Variants in LRRC4C observed in about 807,000 individuals in gnomAD.
LRRC4C encodes leucine-rich repeat-containing protein 4C.
In LRRC4C, 5 loss-of-function variants were observed where a neutral mutation model predicts 33.6. That is an observed-to-expected ratio of 0.15 (90% confidence interval 0.08 to 0.31). The LOEUF (loss-of-function observed/expected upper bound fraction) is 0.31, where lower values mean the gene tolerates loss of function less well. Among genes scored for constraint, LRRC4C ranks in the 10% least tolerant of loss-of-function variants. LRRC4C has a pLI of 1.00. For missense variants in LRRC4C, 560 were observed against 796.7 expected, an observed-to-expected ratio of 0.70 and a Z score of 3.58; for synonymous variants, 329 against 302.0, an observed-to-expected ratio of 1.09 and a Z score of -0.93.
intron 5 of LRRC4C, among the ~76,000 whole-genome samples, chr11:40,195,707 AT>A (rs1862205447): frequency 6.6e-6 from 1 of 151,744 alleles, no homozygotes; most frequent in Non-Finnish European, 1.5e-5. Context: ...TGTATGGCAA[AT>A]AAAAAAATTG....
intron 1 of LRRC4C, among the ~76,000 whole-genome samples, chr11:41,206,589 C>T (rs1174435962): frequency 6.6e-6 from 1 of 152,134 alleles, no homozygotes; most frequent in Admixed American, 6.6e-5. Context: ...TTCAAATGCC[C>T]TTTGAGTGCC....
chr11:41,304,110 C>T (rs1220529829), intron 1 of LRRC4C, among the ~76,000 whole-genome samples: 8 of 80,148 alleles, frequency 1.0e-4, no homozygotes, highest in East Asian at 1.4e-3. Context: ...TCTGCCCGGC[C>T]GCCCCTACTG....
intron 1 of LRRC4C, among the ~76,000 whole-genome samples, chr11:41,160,639 G>A (rs1475980097): frequency 6.6e-6 from 1 of 152,092 alleles, no homozygotes; most frequent in Non-Finnish European, 1.5e-5. Flanking sequence ...ATTTATTTAA[G>A]TAACATTCTT....
intron 1 of LRRC4C, among the ~76,000 whole-genome samples, chr11:41,113,455 A>G (rs940139441): frequency 3.0e-4 from 46 of 152,128 alleles, no homozygotes; most frequent in Non-Finnish European, 5.9e-4. Flanking sequence ...GGCTTTGTCT[A>G]AACTATACCA....
At chr11:40,584,951 G>GA (rs558879496) in intron 3 of LRRC4C, among the ~76,000 whole-genome samples, 2,744 of 103,450 alleles carry the variant, frequency 0.027, 36 homozygotes, top group African/African-American at 0.031. Context: ...TTAAAAAAAA[G>GA]AAAAAAAAAA....
intron 1 of LRRC4C, among the ~76,000 whole-genome samples, chr11:40,937,251 G>T (rs1341813678): frequency 1.3e-5 from 2 of 148,818 alleles, no homozygotes; most frequent in Non-Finnish European, 3.0e-5. Flanking sequence ...ACTTACAAGT[G>T]TGAGCTAAAC....
chr11:40,356,531 G>A lies in LRRC4C; in HGVS notation c.-269-36810C>T, dbSNP rs1332737649. ...CGCTAAGGGTAGAACTGGGACTTAA[G>A]CAGTCTGCCACTCCTTATTAGACAA... is the stretch of plus-strand genomic sequence containing the variant. On this transcript the variant is annotated intron_variant, in intron 3 of 6. Transcript: ENST00000528697. 2.6e-5 allele frequency among the ~76,000 whole-genome samples: 4 copies of A among 152,154 alleles called. No individual in the cohort carries two copies. The South Asian group carries it at 6.2e-4, about 24-fold the overall frequency.
chr11:41,326,847 A>G (rs1332828079), intron 1 of LRRC4C, among the ~76,000 whole-genome samples: 1 of 152,212 alleles, frequency 6.6e-6, no homozygotes, highest in Admixed American at 6.5e-5. Flanking sequence ...TTGCATCTCA[A>G]TACCTATAAC....
At chr11:40,949,122 T>C (rs1215240976) in intron 1 of LRRC4C, among the ~76,000 whole-genome samples, 1 of 133,834 alleles carries the variant, frequency 7.5e-6, no homozygotes, top group Admixed American at 7.1e-5. Flanking sequence ...TGGCCAGTGA[T>C]GGTGAGCATT....
chr11:40,294,759 G>A (rs932215651), intron 4 of LRRC4C, among the ~76,000 whole-genome samples: 4 of 152,048 alleles, frequency 2.6e-5, no homozygotes, highest in African/African-American at 4.8e-5. Flanking sequence ...CCCGGGAGAC[G>A]GAGGTTGCAG....
intron 1 of LRRC4C, among the ~76,000 whole-genome samples, chr11:40,942,946 TTCATAGTGA>T (rs1219812367): frequency 1.3e-5 from 2 of 152,194 alleles, no homozygotes; most frequent in African/African-American, 4.8e-5. Context: ...AACTACTTAT[TTCATAGTGA>T]CACAGGATCA....
intron 1 of LRRC4C, among the ~76,000 whole-genome samples, chr11:41,029,171 G>A (rs1425788114): frequency 6.6e-6 from 1 of 151,724 alleles, no homozygotes; most frequent in Non-Finnish European, 1.5e-5. Context: ...CGATTGAATA[G>A]ATGTGCTGAC....
chr11:41,353,987 A>C (rs746562090), intron 1 of LRRC4C, among the ~76,000 whole-genome samples: 1 of 152,178 alleles, frequency 6.6e-6, no homozygotes, highest in African/African-American at 2.4e-5. Flanking sequence ...GCCCACTGTC[A>C]GCACTCCTAT....
chr11:41,117,816 A>T (rs183447435), intron 1 of LRRC4C, among the ~76,000 whole-genome samples: 1 of 152,294 alleles, frequency 6.6e-6, no homozygotes, highest in African/African-American at 2.4e-5. Context: ...TTAGTATTTC[A>T]AGCAAAATTC....
At chr11:40,712,817 T>C (rs1946531480) in intron 2 of LRRC4C, among the ~76,000 whole-genome samples, 2 of 152,008 alleles carry the variant, frequency 1.3e-5, no homozygotes, top group African/African-American at 4.8e-5. Context: ...CCAAAGAGCA[T>C]TCATCCCAAA....
chr11:40,759,266 T>C (rs1199222633), intron 2 of LRRC4C, among the ~76,000 whole-genome samples: 1 of 147,874 alleles, frequency 6.8e-6, no homozygotes, highest in Non-Finnish European at 1.5e-5. Context: ...TCCATATATA[T>C]ATTATATATA....
At chr11:40,148,490 GTGTC>G (rs1388964663) in intron 5 of LRRC4C, among the ~76,000 whole-genome samples, 4 of 152,048 alleles carry the variant, frequency 2.6e-5, no homozygotes, top group Non-Finnish European at 5.9e-5. Context: ...TTTTAAAAAA[GTGTC>G]TGTTCATGTC....
intron 1 of LRRC4C, among the ~76,000 whole-genome samples, chr11:41,268,278 C>T (rs1949214577): frequency 1.3e-5 from 2 of 152,052 alleles, no homozygotes; most frequent in East Asian, 1.9e-4. Flanking sequence ...AGAAGTAGAT[C>T]ATTCCCTAGT....
At chr11:40,788,762 CA>C (rs1950512716) in intron 2 of LRRC4C, among the ~76,000 whole-genome samples, 1 of 151,928 alleles carries the variant, frequency 6.6e-6, no homozygotes, top group Non-Finnish European at 1.5e-5. Flanking sequence ...TATTGGGATA[CA>C]AAAAGGCATC....
Sources: gnomAD v4.1 joint callset for allele counts (sites outside exome capture counted in the v4.1 genomes callset) on GRCh38, gnomAD v4.1.1 for gene constraint, MANE v1.5 for transcripts, NCBI Gene and HGNC (gene_info 2026-07-23, HGNC 2026-07-21) for gene names.